PKD1L3: variants seen among roughly 807,000 people sequenced by gnomAD.
The protein encoded by PKD1L3 is polycystin 1 like 3, transient receptor potential channel interacting.
Under a neutral mutation model 184.1 loss-of-function variants are expected in PKD1L3, and 239 were observed. That is an observed-to-expected ratio of 1.30 (90% confidence interval 1.17 to 1.45). The LOEUF is 1.45. Among genes scored for constraint, PKD1L3 ranks in the 40% most tolerant of loss-of-function variants. PKD1L3 has a pLI of 0.00. For synonymous variants in PKD1L3, 996 were observed against 778.8 expected (o/e 1.28, Z -4.64); for missense variants, 2,660 against 2,067.2 (o/e 1.29, Z -5.56).
intron 4 of PKD1L3, 144 bp from the exon 5 acceptor site, chr16:71,986,613 C>A: frequency 1.1e-6 from 1 of 941,298 alleles, no homozygotes; most frequent in Middle Eastern, 3.4e-4. Flanking sequence ...TGTGCTCAAA[C>A]AGAATTTTGA....
At chr16:71,982,479 T>C (rs1224458171) in intron 6 of PKD1L3, among the ~76,000 whole-genome samples, 3 of 152,060 alleles carry the variant, frequency 2.0e-5, no homozygotes, top group Non-Finnish European at 4.4e-5. Flanking sequence ...GAGATGGAGT[T>C]TCTCCATGTT....
At position 71,988,197 on chromosome 16, in the gene PKD1L3, A is replaced by AT. The variant is rs201009257; in HGVS notation, c.586-1729dup. On this transcript the variant is annotated intron_variant, in intron 4 of 29. Transcript: ENST00000620267. The stretch of plus-strand genomic sequence containing the variant: ...GGCAAATGTAAAAGTTCATTTGTAA[A>AT]TTTTTTTTTTGTTTTGAAATCGTGT... Among the ~76,000 whole-genome samples, 651 of 150,702 alleles carry AT rather than the reference A, an allele frequency of 4.3e-3. 5 individuals are homozygous for AT. The highest frequency in any genetic ancestry group is 0.014 in the African/African-American group (585 of 41,032).
chr16:71,958,093 G>A (rs1209006330), intron 16 of PKD1L3, among the ~76,000 whole-genome samples: 3 of 152,054 alleles, frequency 2.0e-5, no homozygotes, highest in South Asian at 2.1e-4. Flanking sequence ...CAAGAGTAAA[G>A]ATGGACACAC....
intron 15 of PKD1L3, among the ~76,000 whole-genome samples, chr16:71,965,882 T>C (rs1337013457): frequency 6.6e-6 from 1 of 152,158 alleles, no homozygotes; most frequent in Non-Finnish European, 1.5e-5. Context: ...TTTAAGCCAT[T>C]CTGATGGATG....
At chr16:71,987,841 A>C (rs72803761) in intron 4 of PKD1L3, among the ~76,000 whole-genome samples, 21,228 of 152,092 alleles carry the variant, frequency 0.14, 1,907 homozygotes, top group Non-Finnish European at 0.19. Context: ...AGGGAGAGAG[A>C]GAGCTCTGCC....
At chr16:71,969,817 A>G in intron 13 of PKD1L3, 58 bp downstream of exon 13, 1 of 1,435,588 alleles carries the variant, frequency 7.0e-7, no homozygotes, top group South Asian at 1.4e-5. Flanking sequence ...TTTTTCCTTC[A>G]TCTTATTTAA....
intron 13 of PKD1L3, among the ~76,000 whole-genome samples, chr16:71,968,750 C>T (rs957229777): frequency 6.6e-6 from 1 of 151,966 alleles, no homozygotes; most frequent in African/African-American, 2.4e-5. Flanking sequence ...CATGCACCAC[C>T]ACAGCCGGCT....
chr16:71,975,169 C>A (rs1290288909), intron 11 of PKD1L3, among the ~76,000 whole-genome samples: 1 of 151,968 alleles, frequency 6.6e-6, no homozygotes, highest in Non-Finnish European at 1.5e-5. Context: ...AATCCTCTTG[C>A]CTCAGCCTCC....
intron 18 of PKD1L3, 103 bp downstream of exon 18, chr16:71,952,791 T>A: frequency 8.1e-7 from 1 of 1,240,810 alleles, no homozygotes; most frequent in Non-Finnish European, 1.1e-6. Context: ...TGAGCCGAGG[T>A]TGCACCACTA....
chr16:71,930,884 G>T (rs1002778292), intron 28 of PKD1L3: 3 of 152,096 alleles, frequency 2.0e-5, no homozygotes, highest in African/African-American at 7.2e-5. Flanking sequence ...CCAACAGAGG[G>T]GTTGATTACA....
chr16:71,947,404 G>A (rs1298285765), intron 22 of PKD1L3, 88 bp downstream of exon 22: 2 of 840,184 alleles, frequency 2.4e-6, no homozygotes, highest in Non-Finnish European at 3.9e-6. Context: ...CAAGTCCTTT[G>A]AATGGGTTAA....
At chr16:71,959,304 G>A (rs944853269) in intron 16 of PKD1L3, among the ~76,000 whole-genome samples, 1 of 151,994 alleles carries the variant, frequency 6.6e-6, no homozygotes, top group Non-Finnish European at 1.5e-5. Context: ...CAGCTGCTCA[G>A]GAGGCTGAGG....
At chr16:71,964,751 G>A (rs2039432271) in intron 15 of PKD1L3, among the ~76,000 whole-genome samples, 1 of 151,924 alleles carries the variant, frequency 6.6e-6, no homozygotes, top group African/African-American at 2.4e-5. Flanking sequence ...CTGGCCTTAG[G>A]AGAACAATGA....
chr16:71,954,061 A>T (rs9888745), intron 17 of PKD1L3, 44 bp downstream of exon 17: 13 of 1,316,150 alleles, frequency 9.9e-6, no homozygotes, highest in South Asian at 5.3e-5. Flanking sequence ...AAAAAAAAAA[A>T]GGATTGCTTA....
At chr16:71,947,939 C>T (rs1026111711) in intron 21 of PKD1L3, among the ~76,000 whole-genome samples, 11 of 141,066 alleles carry the variant, frequency 7.8e-5, no homozygotes, top group African/African-American at 2.6e-4. Flanking sequence ...TTTTTTGAGA[C>T]GGAGTCTCGC....
Position 71,942,587 on chromosome 16 carries a change from C to G in PKD1L3, c.4297G>C (p.Glu1433Gln). 6.4e-7 allele frequency: 1 copy of G among 1,551,618 alleles called. No individual in the cohort carries two copies. The highest frequency in any genetic ancestry group is 8.7e-7 in the Non-Finnish European group (1 of 1,146,976). ...CTCATGATGTAACTGAATCCATTCT[C>G]ATTCTTGCTTGTCAGCCTTTCGTGA... ...ELHERLTSKN[E>Q]NGFSYIMRGA... Residue 1433 changes from glutamate (E) to glutamine (Q), a missense_variant, in exon 24 of 30, where the codon GAG becomes CAG. Physicochemically the swap from Glu to Gln is conservative, Grantham distance 29. Coordinates refer to ENST00000620267, the MANE Select transcript of PKD1L3 (RefSeq NM_181536.2).
At position 71,978,278 on chromosome 16, in the gene PKD1L3, G is replaced by A; in HGVS notation, c.1504C>T (p.His502Tyr). ...LSANRKLLQV[H>Y]DLMEDIEIML... ...ACCTCAATGTCCTCCATTAAATCAT[G>A]GACTTGGAGCAATTTACGATTAGCG... is the stretch of plus-strand genomic sequence containing the variant. Residue 502 changes from histidine to tyrosine, a missense_variant, in exon 10 of 30, where the codon CAT becomes TAT. Physicochemically the swap from His to Tyr is moderately conservative, Grantham distance 83. Coordinates refer to ENST00000620267, the MANE Select transcript of PKD1L3 (RefSeq NM_181536.2). 2 of 1,549,816 alleles carry A rather than the reference G, an allele frequency of 1.3e-6. No individual in the cohort carries two copies. The highest frequency in any genetic ancestry group is 1.7e-6 in the Non-Finnish European group (2 of 1,145,892).
intron 2 of PKD1L3, among the ~76,000 whole-genome samples, chr16:71,996,600 C>T (rs1317198172): frequency 1.3e-5 from 2 of 152,018 alleles, no homozygotes; most frequent in Non-Finnish European, 2.9e-5. Flanking sequence ...CCTTCCTGCC[C>T]CCATGCCCTT....
intron 12 of PKD1L3, among the ~76,000 whole-genome samples, chr16:71,972,903 A>G (rs1294713824): frequency 1.3e-5 from 2 of 152,196 alleles, no homozygotes; most frequent in South Asian, 2.1e-4. Flanking sequence ...GATAATTACA[A>G]AAGTGACAAC....
Sources: gnomAD v4.1 joint callset for allele counts (sites outside exome capture counted in the v4.1 genomes callset) on GRCh38, gnomAD v4.1.1 for gene constraint, MANE v1.5 for transcripts, NCBI Gene and HGNC (gene_info 2026-07-23, HGNC 2026-07-21) for gene names.